The following NKIRAS1 variants were observed in gnomAD, a reference collection of about 807,000 sequenced individuals.
NKIRAS1 encodes NF-kappa-B inhibitor-interacting Ras-like protein 1.
Under a neutral mutation model 19.8 loss-of-function variants are expected in NKIRAS1, and 16 were observed. The observed-to-expected ratio is 0.81, with a 90% CI of 0.55 to 1.23. The LOEUF (loss-of-function observed/expected upper bound fraction) is 1.23, where lower values mean the gene tolerates loss of function less well. Ranked by LOEUF, NKIRAS1 falls within the 50% of genes most tolerant of loss-of-function variation. NKIRAS1 has a pLI of 0.00. For synonymous variants in NKIRAS1, 88 were observed against 79.0 expected, an observed-to-expected ratio of 1.11 and a Z score of -0.61; for missense variants, 184 against 220.0, an observed-to-expected ratio of 0.84 and a Z score of 1.04.
intron 1 of NKIRAS1, 120 bp from the exon 2 acceptor site, chr3:23,911,570 A>G (rs1266838124): frequency 6.6e-6 from 1 of 152,140 alleles, no homozygotes; most frequent in African/African-American, 2.4e-5. Flanking sequence ...TAGCAATCCA[A>G]CAGACTCTTA....
At chr3:23,905,993 T>C (rs775391075) in intron 3 of NKIRAS1, among the ~76,000 whole-genome samples, 6 of 151,726 alleles carry the variant, frequency 4.0e-5, no homozygotes, top group Non-Finnish European at 8.8e-5. Flanking sequence ...ACCCTGTCTC[T>C]ACTAAAAACA....
chr3:23,913,107 GATTATCAGGATAATATA>G lies in NKIRAS1; in HGVS notation c.-139-1674_-139-1658del, dbSNP rs968285188. Among the ~76,000 whole-genome samples, 68 of 148,064 alleles carry G rather than the reference GATTATCAGGATAATATA, an allele frequency of 4.6e-4. 1 individual carries two copies. Among genetic ancestry groups the G allele is most frequent in the African/African-American group, 1.6e-3 (65 of 40,380 alleles). On this transcript the variant is annotated intron_variant, in intron 1 of 4. Transcript: ENST00000425478. The stretch of plus-strand genomic sequence containing the variant: ...TACTTTGATCACTCATTGATAATAT[GATTATCAGGATAATATA>G]ATTATCAGGATAATAGGATTAACAG...
upstream of NKIRAS1, chr3:23,917,960 C>G: frequency 6.2e-7 from 1 of 1,613,862 alleles, no homozygotes; most frequent in Non-Finnish European, 8.5e-7. Context: ...CGCCAGCTCT[C>G]TGCTCTCCAC....
chr3:23,910,156 C>CTT lies in NKIRAS1; in HGVS notation c.94+653_94+654dup, dbSNP rs34240932. ...ACTGGTGTGAGCCACTGCGCTCGGCCTTTTTTTTTTTTTTTTTTTGAGACA... is the reference window on the plus strand; with the variant it reads ...ACTGGTGTGAGCCACTGCGCTCGGCCTTTTTTTTTTTTTTTTTTTTTGAGACA... On this transcript the variant is annotated intron_variant, in intron 3 of 4. Transcript: ENST00000425478. 4.9e-3 allele frequency among the ~76,000 whole-genome samples: 474 copies of CTT among 96,514 alleles called. 12 individuals are homozygous for CTT. The highest frequency in any genetic ancestry group is 0.013 in the African/African-American group (312 of 24,400). 63.3% of individuals were successfully genotyped at this position (96,514 alleles called of 152,430 possible).
At chr3:23,921,622 G>A (rs777696157), upstream of NKIRAS1, 2 of 674,048 alleles carry the variant, frequency 3.0e-6, no homozygotes, top group South Asian at 1.5e-5. Context: ...TCACTCAGGT[G>A]GGAGTGCAGT....
chr3:23,896,944 A>G (rs1481953417), intron 4 of NKIRAS1, among the ~76,000 whole-genome samples: 1 of 151,804 alleles, frequency 6.6e-6, no homozygotes, highest in Non-Finnish European at 1.5e-5. Flanking sequence ...GGTGGCTCAC[A>G]CTCATAATCC....
chr3:23,945,089 A>G (rs1705601479), intron 1 of NKIRAS1, among the ~76,000 whole-genome samples: 1 of 151,106 alleles, frequency 6.6e-6, no homozygotes. Context: ...GGAGGGGAAA[A>G]ACGAAGGAAG....
upstream of NKIRAS1, chr3:23,919,243 C>T: frequency 1.9e-6 from 3 of 1,613,720 alleles, no homozygotes; most frequent in Non-Finnish European, 2.5e-6. Context: ...TGAATTCTTA[C>T]TGGGTTGGTG....
At chr3:23,930,921 T>A (rs1705304762) in intron 1 of NKIRAS1, among the ~76,000 whole-genome samples, 2 of 150,074 alleles carry the variant, frequency 1.3e-5, no homozygotes, top group African/African-American at 4.9e-5. Context: ...GCCCAGCTGA[T>A]CCTCCTGCCT....
rs1705234533 is a variant in NKIRAS1, at chr3:23,927,757, T to C, written c.-139-16307A>G. Among the ~76,000 whole-genome samples, 1 of 152,136 alleles carries C rather than the reference T, an allele frequency of 6.6e-6. No individual in the cohort carries two copies. Among genetic ancestry groups the C allele is most frequent in the Non-Finnish European group, 1.5e-5 (1 of 68,012 alleles). ...TGATTATTAACTAAGCTAGGATGTTTTGCTTATCAAAAAGAAAGATTCAAA... is the reference window on the plus strand; with the variant it reads ...TGATTATTAACTAAGCTAGGATGTTCTGCTTATCAAAAAGAAAGATTCAAA... On this transcript the variant is annotated intron_variant, in intron 1 of 4. Transcript: ENST00000421515. The surrounding 1 kb of genome is among the most constrained non-coding windows in gnomAD (Gnocchi z 4.0).
intron 4 of NKIRAS1, among the ~76,000 whole-genome samples, chr3:23,896,465 T>C (rs1702006205): frequency 1.3e-5 from 2 of 151,814 alleles, no homozygotes; most frequent in South Asian, 2.1e-4. Context: ...ATACAAAAAT[T>C]AGCCAGGTGT....
chr3:23,900,992 C>A lies in NKIRAS1; in HGVS notation c.152G>T (p.Arg51Leu). The A allele has an allele frequency of 6.2e-7, 1 of 1,614,052 alleles. No homozygotes were observed. ...DVYMASVETD[R>L]GVKEQLHLYD... ...AAGATGTAACTGTTCTTTTACTCCT[C>A]GGTCTGTTTCTACTGAAGCCATGTA... is the stretch of plus-strand genomic sequence containing the variant. The change falls in exon 4 of 5, where the codon CGA (arginine) becomes CTA (leucine). Residue 51 changes from arginine to leucine, a missense_variant. Transcript: ENST00000425478.
At chr3:23,930,952 A>C (rs1705306034) in intron 1 of NKIRAS1, among the ~76,000 whole-genome samples, 2 of 143,424 alleles carry the variant, frequency 1.4e-5, no homozygotes, top group Non-Finnish European at 3.0e-5. Flanking sequence ...AAGTGCTGGG[A>C]TTATAGGCGT....
At chr3:23,920,692 CAGTT>C (rs748897362), upstream of NKIRAS1, 13 of 984,990 alleles carry the variant, frequency 1.3e-5, no homozygotes, top group African/African-American at 3.5e-5. Context: ...TCAAAAGACT[CAGTT>C]AATTGATTTC....
upstream of NKIRAS1, chr3:23,921,468 G>C: frequency 9.6e-6 from 6 of 624,614 alleles, no homozygotes; most frequent in South Asian, 1.2e-4. Context: ...CAATATTAAG[G>C]GTCACTTTAT....
intron 4 of NKIRAS1, among the ~76,000 whole-genome samples, chr3:23,896,780 C>A (rs1368695210): frequency 1.3e-5 from 2 of 151,052 alleles, no homozygotes; most frequent in East Asian, 3.9e-4. Context: ...TCAAGACTAG[C>A]CTGAACAACA....
At position 23,890,656 on chromosome 3, in the gene NKIRAS1, G is replaced by C; in HGVS notation, c.*2439C>G. 1 of 1,568,310 alleles carries C rather than the reference G, an allele frequency of 6.4e-7. No homozygotes were observed. The highest frequency in any genetic ancestry group is 8.7e-7 in the Non-Finnish European group (1 of 1,146,596). ...TATTTGTCTGTCACAGAAGAGAGCT[G>C]CTTATGATTTTGAAGGGGTCAGGGA... is the stretch of plus-strand genomic sequence containing the variant. On this transcript the variant is annotated 3_prime_UTR_variant, in exon 5 of 5. Transcript: ENST00000425478.
At chr3:23,917,719 C>T (rs903091931), upstream of NKIRAS1, 2 of 902,320 alleles carry the variant, frequency 2.2e-6, no homozygotes, top group Non-Finnish European at 3.3e-6. Context: ...TAGCTGTCCC[C>T]GGCAGTTGGT....
intron 4 of NKIRAS1, among the ~76,000 whole-genome samples, chr3:23,894,056 T>C (rs1342983323): frequency 6.6e-6 from 1 of 152,178 alleles, no homozygotes; most frequent in Middle Eastern, 3.2e-3. Flanking sequence ...GTTCACATTA[T>C]TCACAATACT....
Sources: allele counts gnomAD v4.1 joint callset (sites outside exome capture counted in the v4.1 genomes callset), GRCh38; gene constraint gnomAD v4.1.1; non-coding constraint Gnocchi (gnomAD v3.1); transcripts MANE v1.5; gene names NCBI Gene and HGNC (gene_info 2026-07-23, HGNC 2026-07-21).